The following ATP11C variants were observed in gnomAD, a reference collection of about 807,000 sequenced individuals.
ATP11C encodes the protein phospholipid-transporting ATPase IG.
Under a neutral mutation model 97.4 loss-of-function variants are expected in ATP11C, and 36 were observed. That is an observed-to-expected ratio of 0.37 (90% CI 0.28 to 0.49). The LOEUF is 0.49. Among genes scored for constraint, ATP11C ranks in the 20% least tolerant of loss-of-function variants. ATP11C has a pLI of 0.98. For missense variants in ATP11C, 730 were observed against 824.6 expected (o/e 0.89, Z 1.40); for synonymous variants, 275 against 290.9 (o/e 0.95, Z 0.56).
At chrX:139,854,048 TG>T (rs1198689268) in intron 1 of ATP11C, among the ~76,000 whole-genome samples, 5 of 111,471 alleles carry the variant, frequency 4.5e-5, no homozygotes, top group Admixed American at 9.5e-5. Context: ...GGACAATAGA[TG>T]GTTCCTCCCA....
At chrX:139,850,576 G>C (rs1388533217) in intron 1 of ATP11C, among the ~76,000 whole-genome samples, 2 of 111,505 alleles carry the variant, frequency 1.8e-5, no homozygotes, top group African/African-American at 6.5e-5. Flanking sequence ...AGTAGGAGTT[G>C]AGAAGAAAGA....
Position 139,800,089 on chromosome X carries a change from G to T in ATP11C, c.681C>A (p.Ile227=). The change falls in exon 8 of 30, where the codon ATC becomes ATA. Residue 227 remains isoleucine (I), a synonymous_variant. Coordinates refer to ENST00000682941, the MANE Select transcript of ATP11C (RefSeq NM_001353812.2). The stretch of plus-strand genomic sequence containing the variant: ...CAACAGCCTCAAGACTATTACTGTA[G>T]ATATTGATTCGCCCAACAAATCTGT... ...DLYKFVGRIN[I]YSNSLEAVAR... is the part of the protein sequence containing the mutation. The T allele has an allele frequency of 8.5e-7, 1 of 1,181,791 alleles. No homozygotes were observed. Among genetic ancestry groups the T allele is most frequent in the Non-Finnish European group, 1.1e-6 (1 of 881,448 alleles).
intron 1 of ATP11C, among the ~76,000 whole-genome samples, chrX:139,850,056 C>T (rs1482281178): frequency 8.9e-6 from 1 of 111,931 alleles, no homozygotes; most frequent in Non-Finnish European, 1.9e-5. Context: ...TAAATTACTC[C>T]ATGTGTGGTA....
At chrX:139,935,980 A>T (rs1177964861), upstream of ATP11C, among the ~76,000 whole-genome samples, 1 of 108,693 alleles carries the variant, frequency 9.2e-6, no homozygotes, top group Admixed American at 9.8e-5. Flanking sequence ...TGGGCAACAG[A>T]GCGAGACTCC....
intron 1 of ATP11C, among the ~76,000 whole-genome samples, chrX:139,923,127 TG>T (rs1209664299): frequency 8.9e-6 from 1 of 112,006 alleles, no homozygotes; most frequent in Non-Finnish European, 1.9e-5. Context: ...CATTTGGGGT[TG>T]GCATGTATGT....
chrX:139,826,977 T>C, intron 1 of ATP11C, among the ~76,000 whole-genome samples, 154 bp from the exon 2 acceptor site: 1 of 112,456 alleles, frequency 8.9e-6, no homozygotes, highest in East Asian at 2.8e-4. Context: ...CAAAATCCAT[T>C]AAGCTCTTAC....
At chrX:139,828,876 T>C (rs1269882812) in intron 1 of ATP11C, among the ~76,000 whole-genome samples, 7 of 112,271 alleles carry the variant, frequency 6.2e-5, no homozygotes, top group Non-Finnish European at 9.4e-5. Context: ...GTCTTCTACA[T>C]TCCATGCCAA....
chrX:139,898,764 G>A (rs770833300), intron 1 of ATP11C, among the ~76,000 whole-genome samples: 69 of 112,046 alleles, frequency 6.2e-4, no homozygotes, highest in Admixed American at 2.9e-4. Context: ...AAACAATGGA[G>A]AAGGTCTCAC....
rs200150107 is a variant in ATP11C, at chrX:139,804,866, C to CT, written c.427-268dup. Among the ~76,000 whole-genome samples, 10 of 110,066 alleles carry CT rather than the reference C, an allele frequency of 9.1e-5. No individual in the cohort carries two copies. In the Admixed American group the frequency reaches 9.6e-4, roughly 11 times the overall value. On this transcript the variant is annotated intron_variant, in intron 5 of 29. Coordinates refer to ENST00000682941, the MANE Select transcript of ATP11C (RefSeq NM_001353812.2). The stretch of plus-strand genomic sequence containing the variant: ...AATGATTCTGACATCCGTTTGCTCT[C>CT]TGATATTTCTTGCACAAATGTTTGA...
At chrX:139,836,026 CAAAAAAAAAAAAAAA>C (rs755398033) in intron 1 of ATP11C, among the ~76,000 whole-genome samples, 7 of 28,682 alleles carry the variant, frequency 2.4e-4, no homozygotes, top group Non-Finnish European at 5.1e-5. Flanking sequence ...GACTCCATCT[CAAAAAAAAAAAAAAA>C]AAAAAAAAAA....
intron 1 of ATP11C, among the ~76,000 whole-genome samples, chrX:139,907,461 G>A (rs1382034185): frequency 1.8e-5 from 2 of 111,504 alleles, no homozygotes; most frequent in East Asian, 5.6e-4. Flanking sequence ...TAGAAAAGAA[G>A]CTGCTGGCCG....
chrX:139,758,083 T>A (rs2081972021), intron 22 of ATP11C, among the ~76,000 whole-genome samples: 1 of 111,925 alleles, frequency 8.9e-6, no homozygotes, highest in South Asian at 3.7e-4. Flanking sequence ...CAGAAGAGGA[T>A]CTTATTTACT....
intron 5 of ATP11C, among the ~76,000 whole-genome samples, chrX:139,812,122 C>G (rs1264522236): frequency 9.0e-6 from 1 of 111,306 alleles, no homozygotes; most frequent in African/African-American, 3.3e-5. Context: ...GACCAAGTCT[C>G]TCTCTTGCTC....
chrX:139,797,353 A>G, intron 10 of ATP11C, 27 bp from the exon 11 acceptor site: 1 of 1,087,421 alleles, frequency 9.2e-7, no homozygotes, highest in East Asian at 3.1e-5. Flanking sequence ...CATGGATTTT[A>G]AAACCAAAGA....
chrX:139,747,921 G>A (rs1425822971), intron 24 of ATP11C, among the ~76,000 whole-genome samples: 3 of 111,735 alleles, frequency 2.7e-5, no homozygotes, highest in Non-Finnish European at 5.6e-5. Context: ...CTCGGCAATA[G>A]GTATGCCATG....
chrX:139,789,267 T>C (rs2082640703), intron 13 of ATP11C, 60 bp downstream of exon 13: 1 of 936,013 alleles, frequency 1.1e-6, no homozygotes, highest in Non-Finnish European at 1.5e-6. Context: ...TTTTCTACTA[T>C]GGAATGTTAA....
chrX:139,798,715 T>C lies in ATP11C; in HGVS notation c.739A>G (p.Lys247Glu). The C allele has an allele frequency of 8.3e-7, 1 of 1,207,935 alleles. No individual in the cohort carries two copies. Among genetic ancestry groups the C allele is most frequent in the Non-Finnish European group, 1.1e-6 (1 of 892,907 alleles). ...RSLGPENLLLKGATLKNTEKI... is the reference protein window; with the variant it reads ...RSLGPENLLLEGATLKNTEKI... Reference sequence around the variant, plus strand: ...TCGGTATTTTTTAGCGTAGCTCCTTTCAGCAAGAGATTTTCAGGTCCCAAA... The same window carrying C: ...TCGGTATTTTTTAGCGTAGCTCCTTCCAGCAAGAGATTTTCAGGTCCCAAA... Residue 247 changes from lysine (K) to glutamate (E), a missense_variant, in exon 9 of 30, where the codon AAA becomes GAA. Coordinates refer to ENST00000682941, the MANE Select transcript of ATP11C (RefSeq NM_001353812.2).
At chrX:139,730,431 G>GT (rs2081318435) in intron 29 of ATP11C, among the ~76,000 whole-genome samples, 2 of 111,760 alleles carry the variant, frequency 1.8e-5, no homozygotes, top group South Asian at 7.4e-4. Context: ...ACATACTCAG[G>GT]TAAGTTGTTC....
intron 1 of ATP11C, among the ~76,000 whole-genome samples, 157 bp from the exon 2 acceptor site, chrX:139,826,980 G>A (rs1380800276): frequency 8.9e-6 from 1 of 112,270 alleles, no homozygotes; most frequent in East Asian, 2.8e-4. Flanking sequence ...AATCCATTAA[G>A]CTCTTACTTG....
Sources: allele counts gnomAD v4.1 joint callset (sites outside exome capture counted in the v4.1 genomes callset), GRCh38; gene constraint gnomAD v4.1.1; transcripts MANE v1.5; gene names NCBI Gene and HGNC (gene_info 2026-07-23, HGNC 2026-07-21).